Variants in ASPH observed in about 807,000 individuals in gnomAD.
ASPH encodes the protein aspartate beta-hydroxylase.
A neutral mutation model predicts 118.4 loss-of-function variants in ASPH; 100 were observed. The ratio of observed to expected loss-of-function variants is 0.84; its 90% confidence interval spans 0.72 to 1.00. ASPH has a LOEUF of 1.00. Among genes scored for constraint, ASPH ranks in the 50% least tolerant of loss-of-function variants. ASPH has a pLI of 0.00. For missense variants in ASPH, 920 were observed against 919.5 expected (o/e 1.00, Z -0.01); for synonymous variants, 315 against 325.6 (o/e 0.97, Z 0.35).
At chr8:61,537,713 T>C (rs1302544116) in intron 21 of ASPH, among the ~76,000 whole-genome samples, 1 of 152,142 alleles carries the variant, frequency 6.6e-6, no homozygotes, top group Non-Finnish European at 1.5e-5. Context: ...ATTAGACATT[T>C]TAGAACCCCA....
chr8:61,579,356 C>T (rs933028903), intron 15 of ASPH: 45 of 1,613,978 alleles, frequency 2.8e-5, no homozygotes, highest in African/African-American at 8.0e-5. Flanking sequence ...AGCTGATGAA[C>T]GTCAAGCTGG....
intron 13 of ASPH, chr8:61,624,130 A>G (rs532961034): frequency 1.4e-6 from 1 of 727,904 alleles, no homozygotes; most frequent in African/African-American, 1.9e-5. Flanking sequence ...CAGAGTTACT[A>G]TAGCCAACAA....
chr8:61,668,836 T>C (rs373386038), intron 3 of ASPH, among the ~76,000 whole-genome samples: 21 of 152,334 alleles, frequency 1.4e-4, no homozygotes, highest in African/African-American at 4.8e-4. Flanking sequence ...CTCTAAAAAC[T>C]TTGCAATAGC....
chr8:61,683,986 AG>A, intron 2 of ASPH, 52 bp downstream of exon 2: 1 of 1,584,262 alleles, frequency 6.3e-7, no homozygotes. Context: ...AAGACTCCTA[AG>A]AGATGTCACT....
In ASPH at chr8:61,714,394, G is replaced by A; in HGVS notation, c.-23C>T. The stretch of plus-strand genomic sequence containing the variant: ...CATTGCACGGTCCGCGGGGGCTGGT[G>A]AGGGCTGGCGGACCTCCTTCAGTGC... On this transcript the variant is annotated 5_prime_UTR_variant, in exon 1 of 25. Coordinates refer to ENST00000379454, the MANE Select transcript of ASPH (RefSeq NM_004318.4). 4 of 1,479,214 alleles carry A rather than the reference G, an allele frequency of 2.7e-6. No individual in the cohort carries two copies. The highest frequency in any genetic ancestry group is 3.6e-6 in the Non-Finnish European group (4 of 1,112,286). 91.6% of individuals were successfully genotyped at this position (1,479,214 alleles called of 1,614,324 possible).
intron 21 of ASPH, among the ~76,000 whole-genome samples, chr8:61,539,738 G>C (rs1013940825): frequency 1.4e-5 from 2 of 144,136 alleles, no homozygotes; most frequent in Admixed American, 7.0e-5. Context: ...GTGTGTGTGT[G>C]TGTCTGTCCC....
intron 3 of ASPH, among the ~76,000 whole-genome samples, chr8:61,668,533 T>G (rs1437834445): frequency 6.6e-6 from 1 of 152,230 alleles, no homozygotes; most frequent in African/African-American, 2.4e-5. Flanking sequence ...CTTTAAGAAT[T>G]GTTGGCATTA....
chr8:61,654,908 G>A (rs10090651), intron 3 of ASPH, among the ~76,000 whole-genome samples: 72,150 of 152,012 alleles, frequency 0.47, 17,440 homozygotes, highest in Middle Eastern at 0.53. Flanking sequence ...CAGGGAGGAG[G>A]GGGTAGAGAT....
chr8:61,552,579 T>C (rs1355901599), intron 20 of ASPH, among the ~76,000 whole-genome samples: 1 of 152,200 alleles, frequency 6.6e-6, no homozygotes, highest in East Asian at 1.9e-4. Flanking sequence ...GAACTACTTT[T>C]AAAAGTCCAA....
intron 3 of ASPH, among the ~76,000 whole-genome samples, chr8:61,654,222 T>C (rs1405353274): frequency 6.6e-6 from 1 of 152,180 alleles, no homozygotes; most frequent in African/African-American, 2.4e-5. Context: ...TAAAAGTTCT[T>C]CTCCCTTTTA....
chr8:61,645,103 C>T (rs1250735962), intron 6 of ASPH, among the ~76,000 whole-genome samples: 2 of 152,162 alleles, frequency 1.3e-5, no homozygotes, highest in Non-Finnish European at 2.9e-5. Context: ...CCATACACCC[C>T]AGATAGCAGA....
chr8:61,570,973 T>C (rs1010448266), intron 16 of ASPH, among the ~76,000 whole-genome samples: 1 of 152,236 alleles, frequency 6.6e-6, no homozygotes, highest in Non-Finnish European at 1.5e-5. Flanking sequence ...AGTGCTACTT[T>C]AGAAATGAGA....
At chr8:61,697,961 G>A (rs7012401) in intron 1 of ASPH, among the ~76,000 whole-genome samples, 14 of 145,966 alleles carry the variant, frequency 9.6e-5, no homozygotes, top group African/African-American at 1.5e-4. Flanking sequence ...CAGCTAATTA[G>A]AAAAAAAAAA....
intron 21 of ASPH, among the ~76,000 whole-genome samples, 194 bp downstream of exon 21, chr8:61,547,877 C>T (rs905878614): frequency 4.6e-5 from 7 of 152,126 alleles, no homozygotes; most frequent in African/African-American, 1.7e-4. Flanking sequence ...CTAAGTTCCG[C>T]ACAAATTCCC....
chr8:61,629,066 G>C (rs1854346504), intron 13 of ASPH, among the ~76,000 whole-genome samples: 1 of 152,170 alleles, frequency 6.6e-6, no homozygotes, highest in Non-Finnish European at 1.5e-5. Context: ...AGGCCTGTGT[G>C]AAAGTTCTGG....
chr8:61,532,492 T>G (rs1317469883), intron 21 of ASPH, among the ~76,000 whole-genome samples: 1 of 152,200 alleles, frequency 6.6e-6, no homozygotes, highest in Admixed American at 6.5e-5. Flanking sequence ...TGCTTTTTCA[T>G]TTTATTGTTT....
chr8:61,629,421 CT>C lies in ASPH; in HGVS notation c.934+4261del, dbSNP rs764892639. ...ATGCTGTCAGATTGCTACAAATATG[CT>C]GTATGATTTCAAGGAAAACTATGAG... is the stretch of plus-strand genomic sequence containing the variant. On this transcript the variant is annotated intron_variant, in intron 13 of 24. Coordinates refer to ENST00000379454, the MANE Select transcript of ASPH (RefSeq NM_004318.4). 4.6e-4 allele frequency among the ~76,000 whole-genome samples: 70 copies of C among 152,152 alleles called. 1 individual carries two copies. The highest frequency in any genetic ancestry group is 2.2e-4 in the Non-Finnish European group (15 of 68,020).
intron 8 of ASPH, 85 bp downstream of exon 8, chr8:61,643,860 T>C: frequency 9.8e-7 from 1 of 1,024,724 alleles, no homozygotes; most frequent in Non-Finnish European, 1.5e-6. Flanking sequence ...CTGTGTTGAA[T>C]CACAATTGTT....
At chr8:61,687,974 G>A (rs1297213696) in intron 1 of ASPH, among the ~76,000 whole-genome samples, 1 of 152,026 alleles carries the variant, frequency 6.6e-6, no homozygotes, top group Non-Finnish European at 1.5e-5. Context: ...CTTTTTTAGG[G>A]GCAGTTTTTA....
Sources: gnomAD v4.1 joint callset for allele counts (sites outside exome capture counted in the v4.1 genomes callset) on GRCh38, gnomAD v4.1.1 for gene constraint, MANE v1.5 for transcripts, NCBI Gene and HGNC (gene_info 2026-07-23, HGNC 2026-07-21) for gene names.